Variants in INSC observed in about 807,000 individuals in gnomAD.
INSC encodes protein inscuteable homolog.
A neutral mutation model predicts 58.6 loss-of-function variants in INSC; 67 were observed. The ratio of observed to expected loss-of-function variants is 1.14; its 90% CI spans 0.94 to 1.40. The LOEUF is 1.40. INSC is among the 40% of genes most tolerant of loss of function. The probability of loss-of-function intolerance (pLI) is 0.00; values close to 1 mark genes in which losing one functional copy is unlikely to be tolerated. For missense variants in INSC, 714 were observed against 692.0 expected (o/e 1.03, Z -0.36); for synonymous variants, 262 against 276.1 (o/e 0.95, Z 0.51).
intron 9 of INSC, among the ~76,000 whole-genome samples, chr11:15,229,975 TATATTATA>T (rs1851817395): frequency 3.6e-4 from 5 of 14,006 alleles, no homozygotes; most frequent in African/African-American, 7.4e-4. Flanking sequence ...TATATATATA[TATATTATA>T]TATATATATA....
chr11:15,123,046 C>T (rs953782251), intron 1 of INSC, among the ~76,000 whole-genome samples: 7 of 152,176 alleles, frequency 4.6e-5, no homozygotes, highest in African/African-American at 1.7e-4. Flanking sequence ...TCAGCTGAGT[C>T]TCAGTCTCTA....
chr11:15,200,313 T>TG (rs1306905138), intron 6 of INSC, among the ~76,000 whole-genome samples: 2 of 151,852 alleles, frequency 1.3e-5, no homozygotes, highest in Non-Finnish European at 2.9e-5. Context: ...AAATGAAACA[T>TG]TTTTTTTGCC....
the INSC span, among the ~76,000 whole-genome samples, chr11:15,261,867 G>T: frequency 6.6e-6 from 1 of 150,608 alleles, no homozygotes; most frequent in East Asian, 1.9e-4. Context: ...TTTTGTGCAG[G>T]TGTGAGAATC....
chr11:15,221,821 T>C (rs10500808), intron 8 of INSC, among the ~76,000 whole-genome samples, 173 bp downstream of exon 8: 15,452 of 152,228 alleles, frequency 0.1, 1,562 homozygotes, highest in African/African-American at 0.26. Context: ...TAGGCTTTGA[T>C]GAGCTCTATT....
chr11:15,223,650 G>C (rs993962394), intron 8 of INSC, among the ~76,000 whole-genome samples: 1 of 152,194 alleles, frequency 6.6e-6, no homozygotes, highest in African/African-American at 2.4e-5. Context: ...TTAGGACCTA[G>C]AAGGAATCTT....
intron 7 of INSC, among the ~76,000 whole-genome samples, chr11:15,208,904 G>C (rs1301278827): frequency 6.6e-6 from 1 of 152,208 alleles, no homozygotes; most frequent in African/African-American, 2.4e-5. Context: ...TGGGCTCCAG[G>C]ACCAACAGTC....
intron 7 of INSC, among the ~76,000 whole-genome samples, chr11:15,213,140 G>T (rs1589976569): frequency 6.8e-6 from 1 of 147,468 alleles, no homozygotes; most frequent in Non-Finnish European, 1.5e-5. Context: ...TACTTGAGGA[G>T]TTTTTTTTTT....
At chr11:15,190,887 T>A in intron 6 of INSC, 73 bp downstream of exon 6, 1 of 1,007,130 alleles carries the variant, frequency 9.9e-7, no homozygotes. Flanking sequence ...TCAATGGGAA[T>A]AGCTGGCTCA....
chr11:15,114,405 C>G (rs920749266), upstream of INSC, among the ~76,000 whole-genome samples: 4 of 152,120 alleles, frequency 2.6e-5, no homozygotes, highest in Non-Finnish European at 4.4e-5. Flanking sequence ...GTGAATAAAC[C>G]GTCTCATTCT....
At chr11:15,229,942 ATAATATT>A (rs1397146855) in intron 9 of INSC, among the ~76,000 whole-genome samples, 3 of 5,938 alleles carry the variant, frequency 5.1e-4, no homozygotes, top group Admixed American at 9.0e-3. Flanking sequence ...TTATATATAT[ATAATATT>A]ATATATATAT....
chr11:15,120,925 A>G (rs1485583388), intron 1 of INSC, among the ~76,000 whole-genome samples: 2 of 150,646 alleles, frequency 1.3e-5, no homozygotes, highest in Admixed American at 6.6e-5. Flanking sequence ...ATGATCTTCC[A>G]TTTACTTTAT....
chr11:15,117,861 A>G (rs911210324), intron 1 of INSC, among the ~76,000 whole-genome samples: 7 of 152,112 alleles, frequency 4.6e-5, no homozygotes, highest in Non-Finnish European at 7.3e-5. Context: ...CATAATGCCC[A>G]TCTCTGTGCT....
chr11:15,132,844 G>A (rs913869717), intron 1 of INSC, among the ~76,000 whole-genome samples: 1 of 152,142 alleles, frequency 6.6e-6, no homozygotes, highest in African/African-American at 2.4e-5. Flanking sequence ...ATATTTTCCT[G>A]TTGTCTGCTG....
chr11:15,192,241 T>TTGTGTC (rs1326208606), intron 6 of INSC, among the ~76,000 whole-genome samples: 1 of 152,172 alleles, frequency 6.6e-6, no homozygotes, highest in Non-Finnish European at 1.5e-5. Flanking sequence ...GCTGGGGTGG[T>TTGTGTC]TGTGTCTGTC....
intron 7 of INSC, among the ~76,000 whole-genome samples, chr11:15,202,454 T>C (rs1200977744): frequency 6.6e-6 from 1 of 152,172 alleles, no homozygotes; most frequent in Non-Finnish European, 1.5e-5. Flanking sequence ...GCGTGTGCTC[T>C]CTTATATGGC....
At chr11:15,201,863 TG>T (rs1850606698) in intron 7 of INSC, among the ~76,000 whole-genome samples, 1 of 152,210 alleles carries the variant, frequency 6.6e-6, no homozygotes, top group Admixed American at 6.5e-5. Flanking sequence ...AACTGCTCTC[TG>T]TCCTCTGCAT....
At chr11:15,170,571 T>C (rs1433757903) in intron 2 of INSC, among the ~76,000 whole-genome samples, 1 of 152,176 alleles carries the variant, frequency 6.6e-6, no homozygotes, top group Non-Finnish European at 1.5e-5. Context: ...GCTAGCAACA[T>C]GCCTTATCCT....
chr11:15,204,927 G>A (rs1382987089), intron 7 of INSC, among the ~76,000 whole-genome samples: 1 of 152,156 alleles, frequency 6.6e-6, no homozygotes, highest in East Asian at 1.9e-4. Context: ...GCGGAGTTGT[G>A]GGTCTAGACA....
chr11:15,231,600 C>T (rs539105434), intron 9 of INSC, among the ~76,000 whole-genome samples: 34 of 152,280 alleles, frequency 2.2e-4, no homozygotes, highest in African/African-American at 7.5e-4. Context: ...AGAGTTAACA[C>T]GGTGATAATA....
Sources: gnomAD v4.1 joint callset for allele counts (sites outside exome capture counted in the v4.1 genomes callset) on GRCh38, gnomAD v4.1.1 for gene constraint, MANE v1.5 for transcripts, NCBI Gene and HGNC (gene_info 2026-07-23, HGNC 2026-07-21) for gene names.